PDE11A: variants seen among roughly 807,000 people sequenced by gnomAD.
The protein encoded by PDE11A is phosphodiesterase 11A.
Under a neutral mutation model 100.5 loss-of-function variants are expected in PDE11A, and 100 were observed. The observed-to-expected ratio is 1.00, with a 90% CI of 0.85 to 1.18. PDE11A has a LOEUF of 1.18. Among genes scored for constraint, PDE11A ranks in the 50% most tolerant of loss-of-function variants. The pLI is 0.00. For synonymous variants in PDE11A, 381 were observed against 420.8 expected (o/e 0.91, Z 1.16); for missense variants, 1,141 against 1,152.6 (o/e 0.99, Z 0.15).
At chr2:177,916,969 G>A (rs2084963931) in intron 2 of PDE11A, among the ~76,000 whole-genome samples, 2 of 136,266 alleles carry the variant, frequency 1.5e-5, no homozygotes, top group African/African-American at 5.9e-5. Flanking sequence ...GTAGAGATGG[G>A]GTTTCACCGT....
chr2:177,802,976 G>A (rs1023792444), intron 9 of PDE11A, among the ~76,000 whole-genome samples: 1 of 151,692 alleles, frequency 6.6e-6, no homozygotes, highest in Non-Finnish European at 1.5e-5. Context: ...AAACTATAGG[G>A]AAAGTGCATA....
At chr2:177,664,937 G>T (rs1488836369) in intron 18 of PDE11A, among the ~76,000 whole-genome samples, 1 of 152,130 alleles carries the variant, frequency 6.6e-6, no homozygotes, top group Non-Finnish European at 1.5e-5. Flanking sequence ...GGAAAATCCT[G>T]CATCGTTCAG....
At chr2:177,878,455 G>A (rs767384411) in intron 4 of PDE11A, among the ~76,000 whole-genome samples, 5 of 152,124 alleles carry the variant, frequency 3.3e-5, no homozygotes, top group Non-Finnish European at 4.4e-5. Flanking sequence ...TGAAATATGT[G>A]TGCTTGGAGC....
At chr2:177,854,395 A>G (rs1196419107) in intron 5 of PDE11A, among the ~76,000 whole-genome samples, 1 of 152,146 alleles carries the variant, frequency 6.6e-6, no homozygotes, top group East Asian at 1.9e-4. Context: ...AAATTCATTA[A>G]GATGAATTTG....
chr2:178,095,672 G>A (rs2087479523), intron 2 of PDE11A, among the ~76,000 whole-genome samples: 1 of 152,220 alleles, frequency 6.6e-6, no homozygotes, highest in African/African-American at 2.4e-5. Context: ...CCTAGCAGAG[G>A]TTCTCCATGA....
chr2:177,767,622 T>C (rs2082257865), intron 10 of PDE11A, among the ~76,000 whole-genome samples: 1 of 152,126 alleles, frequency 6.6e-6, no homozygotes, highest in Non-Finnish European at 1.5e-5. Context: ...ATGGAAAATG[T>C]ATAAAATTTA....
At chr2:177,631,492 A>C (rs2079925404) in intron 19 of PDE11A, among the ~76,000 whole-genome samples, 1 of 22,488 alleles carries the variant, frequency 4.4e-5, no homozygotes, top group Non-Finnish European at 8.4e-5. Context: ...AAAAAAAAAA[A>C]AAAAAAAAAA....
Position 178,071,759 on chromosome 2 carries a change from T to C in PDE11A, c.679A>G (p.Ile227Val). ...DLTSLSYKIL[I>V]FVCLMVDADR... ...GCATCCACCATAAGGCAGACAAAGA[T>C]GAGAATCTTGTAGCTCAGGCTGGTG... The change falls in exon 1 of 20, where the codon ATC (isoleucine) becomes GTC (valine). Residue 227 changes from isoleucine (I) to valine (V), a missense_variant. Coordinates refer to ENST00000286063, the MANE Select transcript of PDE11A (RefSeq NM_016953.4). 6.2e-7 allele frequency: 1 copy of C among 1,613,856 alleles called. No homozygotes were observed. The highest frequency in any genetic ancestry group is 8.5e-7 in the Non-Finnish European group (1 of 1,179,746).
chr2:177,662,837 AGTTT>A (rs67313920), intron 19 of PDE11A, among the ~76,000 whole-genome samples: 117,117 of 151,646 alleles, frequency 0.77, 45,877 homozygotes, highest in East Asian at 0.89. Flanking sequence ...CAGTATTCTA[AGTTT>A]GTTTGTTTTC....
intron 5 of PDE11A, among the ~76,000 whole-genome samples, chr2:177,858,377 C>T (rs1355142432): frequency 2.0e-5 from 3 of 149,676 alleles, no homozygotes; most frequent in Non-Finnish European, 3.0e-5. Flanking sequence ...CCAGAATCTA[C>T]AATTAACTCA....
chr2:177,991,426 G>C (rs925517013), intron 2 of PDE11A, among the ~76,000 whole-genome samples: 1 of 150,948 alleles, frequency 6.6e-6, no homozygotes. Flanking sequence ...ATGAGGTCAG[G>C]AGTTTGAGAC....
chr2:178,051,413 T>C (rs926104557), intron 1 of PDE11A, among the ~76,000 whole-genome samples: 1 of 152,180 alleles, frequency 6.6e-6, no homozygotes, highest in African/African-American at 2.4e-5. Context: ...TGCCAAATTA[T>C]AAAGACCATC....
intron 2 of PDE11A, among the ~76,000 whole-genome samples, chr2:177,995,420 T>G (rs539073199): frequency 6.6e-6 from 1 of 152,326 alleles, no homozygotes; most frequent in African/African-American, 2.4e-5. Context: ...TTTTGCTTCT[T>G]CTGCAGTGAG....
chr2:177,677,501 G>C (rs1008282023), intron 16 of PDE11A, among the ~76,000 whole-genome samples: 1 of 152,160 alleles, frequency 6.6e-6, no homozygotes, highest in Non-Finnish European at 1.5e-5. Context: ...TGCAACCTTT[G>C]TCCATCTGGC....
At chr2:177,811,036 G>T (rs542081155) in intron 9 of PDE11A, among the ~76,000 whole-genome samples, 8 of 152,100 alleles carry the variant, frequency 5.3e-5, no homozygotes, top group Non-Finnish European at 1.0e-4. Flanking sequence ...TATATTTTCT[G>T]GCAAATTTCT....
intron 2 of PDE11A, among the ~76,000 whole-genome samples, chr2:177,928,138 G>A (rs911024576): frequency 1.4e-5 from 2 of 143,886 alleles, no homozygotes; most frequent in African/African-American, 5.1e-5. Flanking sequence ...CCATGAGATA[G>A]AGGAAACATC....
chr2:177,719,016 A>G (rs925031307), intron 12 of PDE11A, among the ~76,000 whole-genome samples: 2 of 152,200 alleles, frequency 1.3e-5, no homozygotes, highest in African/African-American at 4.8e-5. Flanking sequence ...GAGCAGTGCC[A>G]CAGAGCACTG....
intron 19 of PDE11A, among the ~76,000 whole-genome samples, chr2:177,636,774 C>T (rs1440249872): frequency 1.3e-5 from 2 of 152,046 alleles, no homozygotes; most frequent in Non-Finnish European, 2.9e-5. Flanking sequence ...CAGTAGCATC[C>T]CTCCCCAAAG....
intron 1 of PDE11A, among the ~76,000 whole-genome samples, chr2:178,053,211 T>C (rs1386873593): frequency 6.6e-6 from 1 of 152,204 alleles, no homozygotes; most frequent in African/African-American, 2.4e-5. Flanking sequence ...TGGTTCAACA[T>C]ACACAAATCA....
Sources: gnomAD v4.1 joint callset for allele counts (sites outside exome capture counted in the v4.1 genomes callset) on GRCh38, gnomAD v4.1.1 for gene constraint, MANE v1.5 for transcripts, NCBI Gene and HGNC (gene_info 2026-07-23, HGNC 2026-07-21) for gene names.